The following THADA variants were observed in gnomAD, a reference collection of about 807,000 sequenced individuals.
THADA encodes the protein tRNA (32-2'-O)-methyltransferase regulator THADA.
THADA carries 213 observed loss-of-function variants against 219.8 expected under a neutral mutation model. The observed-to-expected ratio is 0.97, with a 90% CI of 0.87 to 1.09. THADA has a LOEUF of 1.09. THADA is among the 50% of genes least tolerant of loss of function. The pLI is 0.00. For synonymous variants in THADA, 1,018 were observed against 828.9 expected (o/e 1.23, Z -3.92); for missense variants, 2,956 against 2,311.3 (o/e 1.28, Z -5.72).
At chr2:43,530,398 C>T (rs554589980) in intron 21 of THADA, among the ~76,000 whole-genome samples, 4 of 151,950 alleles carry the variant, frequency 2.6e-5, no homozygotes, top group Middle Eastern at 3.4e-3. Flanking sequence ...GGCTGAAGCC[C>T]GATAATCCTA....
chr2:43,389,526 ATAT>A (rs1673096672), intron 29 of THADA, among the ~76,000 whole-genome samples: 1 of 152,160 alleles, frequency 6.6e-6, no homozygotes, highest in Non-Finnish European at 1.5e-5. Context: ...TCTTCCACAT[ATAT>A]TATTGTCTTG....
chr2:43,385,672 T>A (rs1672589168), intron 29 of THADA, among the ~76,000 whole-genome samples: 1 of 146,416 alleles, frequency 6.8e-6, no homozygotes, highest in African/African-American at 2.5e-5. Flanking sequence ...ATAAATGGAC[T>A]AAAATTTACA....
At chr2:43,567,863 C>T (rs1467930818) in intron 14 of THADA, among the ~76,000 whole-genome samples, 2 of 152,214 alleles carry the variant, frequency 1.3e-5, no homozygotes, top group Non-Finnish European at 2.9e-5. Flanking sequence ...GTTGGCCTAT[C>T]ACTGAAAGCT....
At chr2:43,270,065 A>C (rs1377093443) in intron 36 of THADA, among the ~76,000 whole-genome samples, 1 of 151,786 alleles carries the variant, frequency 6.6e-6, no homozygotes, top group Non-Finnish European at 1.5e-5. Flanking sequence ...GCTCCTCTCT[A>C]CCCGAGTCTG....
Position 43,592,336 on chromosome 2 carries a change from C to A in THADA, c.57G>T (p.Gln19His). The change falls in exon 2 of 38, where the codon CAG becomes CAT. Residue 19 changes from glutamine to histidine, a missense_variant. Physicochemically the swap from Gln to His is conservative, Grantham distance 24. Coordinates refer to ENST00000405975, the MANE Select transcript of THADA (RefSeq NM_022065.5). ...ACCTACATTTCAAAGTTTCAAGGTCCTGATGGCAAATGGTCAGCGCAGCAA... is the reference window on the plus strand; with the variant it reads ...ACCTACATTTCAAAGTTTCAAGGTCATGATGGCAAATGGTCAGCGCAGCAA... Reference protein sequence around the residue: ...MQVAALTICHQDLETLKSFAD... With the variant: ...MQVAALTICHHDLETLKSFAD... 1 of 1,607,732 alleles carries A rather than the reference C, an allele frequency of 6.2e-7. No individual in the cohort carries two copies.
intron 19 of THADA, among the ~76,000 whole-genome samples, chr2:43,549,579 T>A (rs527605356): frequency 1.6e-4 from 24 of 152,236 alleles, no homozygotes; most frequent in African/African-American, 5.8e-4. Context: ...TAGACTGAAA[T>A]ATAACAACAA....
At chr2:43,385,509 A>G (rs1161880100) in intron 29 of THADA, among the ~76,000 whole-genome samples, 1 of 147,516 alleles carries the variant, frequency 6.8e-6, no homozygotes, top group Non-Finnish European at 1.5e-5. Context: ...CGGAAGTCTG[A>G]GGCAGGAGAA....
In THADA at chr2:43,438,008, A is replaced by C. The variant is rs60223528; in HGVS notation, c.3837-7706T>G. ...GAAACAGTAGAAAGGATGCTCAACT[A>C]TACCAAGGGATGGCCAGGCGCGGTG... On this transcript the variant is annotated intron_variant, in intron 26 of 37. Coordinates refer to ENST00000405975, the MANE Select transcript of THADA (RefSeq NM_022065.5). 6.6e-3 allele frequency among the ~76,000 whole-genome samples: 1,009 copies of C among 152,266 alleles called. 14 individuals are homozygous for C. Among genetic ancestry groups the C allele is most frequent in the African/African-American group, 0.023 (960 of 41,546 alleles).
In THADA at chr2:43,293,231, C is replaced by G. The variant is rs755329334; in HGVS notation, c.4439-18G>C. On this transcript the variant is annotated intron_variant, in intron 31 of 37. Transcript: ENST00000405975. ...CTCCAGAACTAAGAAGCAAAAAAAG[C>G]AAAAGGGAAAGAGATAATCACTTTA... 1 of 1,585,130 alleles carries G rather than the reference C, an allele frequency of 6.3e-7. No individual in the cohort carries two copies. The highest frequency in any genetic ancestry group is 8.6e-7 in the Non-Finnish European group (1 of 1,165,984).
intron 26 of THADA, among the ~76,000 whole-genome samples, chr2:43,444,290 C>T (rs948248115): frequency 2.0e-5 from 3 of 152,142 alleles, no homozygotes; most frequent in African/African-American, 4.8e-5. Context: ...ACATAGTAGT[C>T]TCTGTGTTTT....
chr2:43,403,920 CT>C (rs1485077375), intron 28 of THADA, among the ~76,000 whole-genome samples: 7 of 152,266 alleles, frequency 4.6e-5, no homozygotes, highest in African/African-American at 7.2e-5. Flanking sequence ...CTGTCAGCTC[CT>C]GGGAAATGGT....
chr2:43,445,063 G>A (rs958838846), intron 26 of THADA, among the ~76,000 whole-genome samples: 3 of 152,098 alleles, frequency 2.0e-5, no homozygotes, highest in East Asian at 1.9e-4. Context: ...CTATTAAAAC[G>A]GAGCTATTCC....
intron 22 of THADA, among the ~76,000 whole-genome samples, chr2:43,509,558 C>T (rs915559466): frequency 1.3e-5 from 2 of 152,100 alleles, no homozygotes; most frequent in Non-Finnish European, 1.5e-5. Context: ...GAAAAACACT[C>T]TTTTTTAAGT....
intron 26 of THADA, among the ~76,000 whole-genome samples, chr2:43,436,439 G>T (rs904974051): frequency 1.3e-5 from 2 of 152,174 alleles, no homozygotes; most frequent in African/African-American, 4.8e-5. Context: ...TGCTGGGTCT[G>T]TGAGCCTCCC....
rs1449329970 is a variant in THADA, at chr2:43,385,601, C to T, written c.4227+12370G>A. ...CAGCCTGGGCAACAGAGCGAGACTC[C>T]GTCTCAAAAAAAAAAAAAAAAAAAA... On this transcript the variant is annotated intron_variant, in intron 29 of 37. Transcript: ENST00000405975. 7.3e-5 allele frequency among the ~76,000 whole-genome samples: 9 copies of T among 124,112 alleles called. No individual in the cohort carries two copies. In the East Asian group the frequency reaches 1.1e-3, roughly 16 times the overall value. The allele number at this position is 124,112 out of a possible 152,430, so 81.4% of individuals were successfully genotyped here. A position where few individuals can be genotyped will look rare whatever the true frequency, so the allele number is the denominator to read the frequency against.
In THADA at chr2:43,505,627, G is replaced by A. The variant is rs893842463; in HGVS notation, c.3616C>T (p.Pro1206Ser). ...TTGTGTATTTCCATGATTACCTGGGGGACTGTACTCTGTATGTCATCTGTA... is the reference window on the plus strand; with the variant it reads ...TTGTGTATTTCCATGATTACCTGGGAGACTGTACTCTGTATGTCATCTGTA... Reference protein sequence around the residue: ...GPTDDIQSTVPQVHALNILRA... With the variant: ...GPTDDIQSTVSQVHALNILRA... Residue 1206 changes from proline (P) to serine (S), a missense_variant, in exon 24 of 38, where the codon CCC (proline) becomes TCC (serine). Pro to Ser is a moderately conservative substitution (Grantham distance 74). Coordinates refer to ENST00000405975, the MANE Select transcript of THADA (RefSeq NM_022065.5). 7.6e-6 allele frequency: 12 copies of A among 1,583,188 alleles called. No homozygotes were observed. The highest frequency in any genetic ancestry group is 9.5e-6 in the Non-Finnish European group (11 of 1,160,226).
chr2:43,475,371 G>A (rs894159490), intron 26 of THADA, among the ~76,000 whole-genome samples: 2 of 148,020 alleles, frequency 1.4e-5, no homozygotes, highest in Admixed American at 1.4e-4. Context: ...GTGAGCCAAG[G>A]TTGTGCCAGC....
chr2:43,370,667 A>G (rs973728941), intron 29 of THADA, among the ~76,000 whole-genome samples: 2 of 152,256 alleles, frequency 1.3e-5, no homozygotes, highest in Non-Finnish European at 2.9e-5. Flanking sequence ...TCAAGAAGTT[A>G]ATACTGAACA....
rs370273206 is a variant in THADA, at chr2:43,417,717, T to TA, written c.4058+10382dup. On this transcript the variant is annotated intron_variant, in intron 28 of 37. Coordinates refer to ENST00000405975, the MANE Select transcript of THADA (RefSeq NM_022065.5). The stretch of plus-strand genomic sequence containing the variant: ...TAAACAGATGAGCAAAAGCAAGTAT[T>TA]ACAGTGTTAAGAGCTAGAATAGCTA... 2.6e-3 allele frequency among the ~76,000 whole-genome samples: 400 copies of TA among 152,306 alleles called. 2 individuals carry two copies. Among genetic ancestry groups the TA allele is most frequent in the African/African-American group, 9.5e-3 (394 of 41,572 alleles).
Sources: gnomAD v4.1 joint callset for allele counts (sites outside exome capture counted in the v4.1 genomes callset) on GRCh38, gnomAD v4.1.1 for gene constraint, MANE v1.5 for transcripts, NCBI Gene and HGNC (gene_info 2026-07-23, HGNC 2026-07-21) for gene names.